The following CTTNBP2 variants were observed in gnomAD, a reference collection of about 807,000 sequenced individuals.
CTTNBP2 encodes the protein cortactin-binding protein 2.
CTTNBP2 carries 108 observed loss-of-function variants against 156.9 expected under a neutral mutation model. The ratio of observed to expected loss-of-function variants is 0.69; its 90% CI spans 0.59 to 0.81. CTTNBP2 has a LOEUF of 0.81. Ranked by LOEUF, CTTNBP2 falls within the 30% of genes least tolerant of loss-of-function variation. The pLI, the probability that CTTNBP2 is intolerant of heterozygous loss-of-function variation, is 0.00. For missense variants in CTTNBP2, 1,924 were observed against 2,035.4 expected, an observed-to-expected ratio of 0.95 and a Z score of 1.05; for synonymous variants, 767 against 751.8, an observed-to-expected ratio of 1.02 and a Z score of -0.33.
intron 3 of CTTNBP2, among the ~76,000 whole-genome samples, chr7:117,797,684 T>C (rs1799391808): frequency 2.6e-5 from 4 of 152,170 alleles, no homozygotes; most frequent in African/African-American, 2.4e-5. Context: ...ATGGGCTTAA[T>C]AGCAGATTTG....
intron 12 of CTTNBP2, among the ~76,000 whole-genome samples, 200 bp downstream of exon 12, chr7:117,756,355 T>C (rs2116622994): frequency 6.6e-6 from 1 of 151,796 alleles, no homozygotes; most frequent in African/African-American, 2.4e-5. Context: ...ATCCAGGCAA[T>C]AGATACCTGG....
At chr7:117,831,195 GCTCA>G (rs1380567456) in intron 2 of CTTNBP2, among the ~76,000 whole-genome samples, 1 of 152,164 alleles carries the variant, frequency 6.6e-6, no homozygotes, top group Non-Finnish European at 1.5e-5. Context: ...AAGAATCAGA[GCTCA>G]CTATTTCTTA....
chr7:117,790,280 T>C (rs1219299563), intron 4 of CTTNBP2, among the ~76,000 whole-genome samples: 4 of 152,336 alleles, frequency 2.6e-5, no homozygotes, highest in East Asian at 1.9e-4. Context: ...TTTACAATTA[T>C]GTATTTTTGG....
chr7:117,730,278 A>G (rs12530721), intron 16 of CTTNBP2, among the ~76,000 whole-genome samples: 7,127 of 152,238 alleles, frequency 0.047, 237 homozygotes, highest in African/African-American at 0.077. Context: ...ATGTGACCAC[A>G]GATAGAGAGG....
chr7:117,854,855 G>A (rs34723295), intron 2 of CTTNBP2, among the ~76,000 whole-genome samples: 14,225 of 152,118 alleles, frequency 0.094, 787 homozygotes, highest in Middle Eastern at 0.16. Context: ...CTTGATCTTG[G>A]TTCACTGCAA....
intron 2 of CTTNBP2, among the ~76,000 whole-genome samples, chr7:117,853,243 A>G (rs537263165): frequency 6.1e-4 from 93 of 152,208 alleles, no homozygotes; most frequent in African/African-American, 2.2e-3. Context: ...TGTAGAAAAG[A>G]AACTGTTTTA....
At chr7:117,711,864 T>G in intron 22 of CTTNBP2, 82 bp from the exon 23 acceptor site, 1 of 1,358,816 alleles carries the variant, frequency 7.4e-7, no homozygotes, top group Non-Finnish European at 1.0e-6. Flanking sequence ...TTTGAGCAAA[T>G]GTACAGGAGT....
chr7:117,737,236 T>G (rs1032449436), intron 14 of CTTNBP2, among the ~76,000 whole-genome samples: 12 of 152,178 alleles, frequency 7.9e-5, no homozygotes, highest in African/African-American at 2.9e-4. Context: ...ATAGATGTAT[T>G]GTGGAAGTAT....
At chr7:117,775,277 G>A (rs1345795844) in intron 8 of CTTNBP2, among the ~76,000 whole-genome samples, 1 of 151,992 alleles carries the variant, frequency 6.6e-6, no homozygotes, top group Non-Finnish European at 1.5e-5. Flanking sequence ...AATTCATCTT[G>A]TGCTTCTTAA....
At position 117,865,671 on chromosome 7, in the gene CTTNBP2, CAA is replaced by C. The variant is rs61533705; in HGVS notation, c.82-4357_82-4356del. Among the ~76,000 whole-genome samples the C allele has an allele frequency of 4.0e-4, 30 of 74,500 alleles. No homozygotes were observed. In the South Asian group the frequency reaches 4.7e-3, roughly 12 times the overall value. The allele number at this position is 74,500 out of a possible 152,430, so 48.9% of individuals were successfully genotyped here. A position where few individuals can be genotyped will look rare whatever the true frequency, so the allele number is the denominator to read the frequency against. ...TGGTGACAGAACAAGACTCCATCTC[CAA>C]AAAAAAAAAAAAAAAAAGAAAAGAA... On this transcript the variant is annotated intron_variant, in intron 1 of 22. Coordinates refer to ENST00000160373, the MANE Select transcript of CTTNBP2 (RefSeq NM_033427.3).
chr7:117,816,245 AGC>A (rs540793208), intron 2 of CTTNBP2, among the ~76,000 whole-genome samples: 2 of 152,346 alleles, frequency 1.3e-5, no homozygotes, highest in East Asian at 3.9e-4. Flanking sequence ...TCCAACCTAA[AGC>A]CAGGTGAGAG....
chr7:117,798,757 T>C (rs1563019072), intron 3 of CTTNBP2, among the ~76,000 whole-genome samples: 1 of 151,826 alleles, frequency 6.6e-6, no homozygotes, highest in East Asian at 1.9e-4. Context: ...AAATAAATGA[T>C]AGAGAAATTA....
chr7:117,742,085 C>T (rs1395760474), intron 14 of CTTNBP2, among the ~76,000 whole-genome samples: 4 of 152,216 alleles, frequency 2.6e-5, no homozygotes, highest in Non-Finnish European at 2.9e-5. Flanking sequence ...AAATCCACTG[C>T]TGTTTACCAG....
chr7:117,864,706 T>TCATATATATTCATATATA (rs1804014125), intron 1 of CTTNBP2, among the ~76,000 whole-genome samples: 1 of 123,102 alleles, frequency 8.1e-6, no homozygotes, highest in Non-Finnish European at 1.9e-5. Flanking sequence ...ATTCATATAT[T>TCATATATATTCATATATA]CATATATATT....
intron 12 of CTTNBP2, among the ~76,000 whole-genome samples, chr7:117,754,204 CTTCAT>C (rs1796767695): frequency 6.6e-6 from 1 of 152,230 alleles, no homozygotes; most frequent in African/African-American, 2.4e-5. Flanking sequence ...AGGCGACTCT[CTTCAT>C]TTCATTTGTT....
intron 1 of CTTNBP2, among the ~76,000 whole-genome samples, chr7:117,870,535 C>T (rs1231586006): frequency 3.9e-5 from 6 of 152,192 alleles, no homozygotes; most frequent in African/African-American, 1.2e-4. Flanking sequence ...AATTTTATAC[C>T]TACTTCTTGT....
chr7:117,802,396 G>A (rs1337282014), intron 3 of CTTNBP2, among the ~76,000 whole-genome samples: 2 of 101,792 alleles, frequency 2.0e-5, no homozygotes, highest in African/African-American at 3.2e-5. Context: ...AAAAATCCTA[G>A]AAGAAAATCT....
intron 16 of CTTNBP2, among the ~76,000 whole-genome samples, chr7:117,734,492 T>C (rs528431635): frequency 9.2e-5 from 14 of 152,354 alleles, no homozygotes; most frequent in Admixed American, 7.8e-4. Flanking sequence ...TGAAAATGTG[T>C]CAAAAGGTAT....
intron 19 of CTTNBP2, among the ~76,000 whole-genome samples, chr7:117,723,716 C>T (rs1325251873): frequency 6.6e-6 from 1 of 151,256 alleles, no homozygotes; most frequent in Non-Finnish European, 1.5e-5. Flanking sequence ...GAAATCTGTC[C>T]AATTTATTAG....
Sources: gnomAD v4.1 joint callset for allele counts (sites outside exome capture counted in the v4.1 genomes callset) on GRCh38, gnomAD v4.1.1 for gene constraint, MANE v1.5 for transcripts, NCBI Gene and HGNC (gene_info 2026-07-23, HGNC 2026-07-21) for gene names.